PPP4R3A: variants seen among roughly 807,000 people sequenced by gnomAD.
PPP4R3A encodes serine/threonine-protein phosphatase 4 regulatory subunit 3A.
In PPP4R3A, 15 loss-of-function variants were observed where a neutral mutation model predicts 91.7. That is an observed-to-expected ratio of 0.16 (90% CI 0.11 to 0.25). PPP4R3A has a LOEUF of 0.25. PPP4R3A is among the 10% of genes least tolerant of loss of function. The pLI is 1.00. For missense variants in PPP4R3A, 623 were observed against 998.4 expected (o/e 0.62, Z 5.07); for synonymous variants, 377 against 348.7 (o/e 1.08, Z -0.91).
At chr14:91,473,441 A>C in intron 7 of PPP4R3A, 71 bp from the exon 8 acceptor site, 2 of 1,487,920 alleles carry the variant, frequency 1.3e-6, no homozygotes, top group Non-Finnish European at 1.8e-6. Context: ...ACTAAGACAC[A>C]TACCACAGCA....
chr14:91,479,537 T>TAA (rs750797153), intron 4 of PPP4R3A, among the ~76,000 whole-genome samples: 13 of 142,100 alleles, frequency 9.1e-5, no homozygotes, highest in African/African-American at 3.4e-4. Context: ...CTGGCTAATT[T>TAA]AAAAAAAAAA....
chr14:91,483,433 T>C (rs978747846), intron 3 of PPP4R3A, among the ~76,000 whole-genome samples: 1 of 152,238 alleles, frequency 6.6e-6, no homozygotes, highest in Non-Finnish European at 1.5e-5. Context: ...TCATGGCTTG[T>C]ACCTGCATGG....
intron 1 of PPP4R3A, among the ~76,000 whole-genome samples, chr14:91,501,871 A>ATTTTTTTTTTTTTTTTTTT (rs755484959): frequency 2.0e-5 from 2 of 100,238 alleles, no homozygotes; most frequent in Non-Finnish European, 3.8e-5. Context: ...AGCCCGGCTA[A>ATTTTTTTTTTTTTTTTTTT]TTTTTTTTTT....
chr14:91,471,027 T>G, intron 9 of PPP4R3A, 32 bp from the exon 10 acceptor site: 1 of 1,547,114 alleles, frequency 6.5e-7, no homozygotes, highest in Non-Finnish European at 8.7e-7. Flanking sequence ...TAATTATATT[T>G]AATGACTAAC....
intron 1 of PPP4R3A, among the ~76,000 whole-genome samples, chr14:91,497,080 G>A (rs1365130615): frequency 1.3e-5 from 2 of 152,112 alleles, no homozygotes; most frequent in Non-Finnish European, 2.9e-5. Flanking sequence ...CTTTAGGAGA[G>A]GAATTTATTA....
chr14:91,507,593 CA>C (rs1566661014), intron 1 of PPP4R3A, among the ~76,000 whole-genome samples: 9 of 51,168 alleles, frequency 1.8e-4, no homozygotes, highest in African/African-American at 6.0e-4. Context: ...GTTATATATA[CA>C]TGTTATACAT....
intron 1 of PPP4R3A, among the ~76,000 whole-genome samples, chr14:91,498,237 A>C (rs1445746557): frequency 6.6e-6 from 1 of 152,066 alleles, no homozygotes; most frequent in African/African-American, 2.4e-5. Flanking sequence ...AGGGAGGCTG[A>C]AGCAGGAGAA....
At chr14:91,501,314 C>G (rs1051761643) in intron 1 of PPP4R3A, among the ~76,000 whole-genome samples, 1 of 152,204 alleles carries the variant, frequency 6.6e-6, no homozygotes, top group Non-Finnish European at 1.5e-5. Flanking sequence ...AGAAGAGCTA[C>G]ACCCTTGTCA....
chr14:91,486,354 T>G lies in PPP4R3A; in HGVS notation c.199-624A>C, dbSNP rs549024093. On this transcript the variant is annotated intron_variant, in intron 2 of 14. Coordinates refer to ENST00000554943, the MANE Select transcript of PPP4R3A (RefSeq NM_001366432.2). ...TTCAGAACTTCTTAGTTTCATTTTT[T>G]GTAGAGATGGAGGTCTTGTCATGTT... Among the ~76,000 whole-genome samples, 41 of 152,248 alleles carry G rather than the reference T, an allele frequency of 2.7e-4. No individual in the cohort carries two copies. The South Asian group carries it at 5.6e-3, about 21-fold the overall frequency.
chr14:91,496,625 T>C (rs913271716), intron 1 of PPP4R3A, among the ~76,000 whole-genome samples: 1 of 152,206 alleles, frequency 6.6e-6, no homozygotes, highest in African/African-American at 2.4e-5. Flanking sequence ...AAGCTTCTAG[T>C]GTTGGGAAAT....
At chr14:91,490,929 G>C (rs953598510) in intron 1 of PPP4R3A, 127 bp from the exon 2 acceptor site, 46 of 367,444 alleles carry the variant, frequency 1.3e-4, no homozygotes, top group African/African-American at 9.9e-4. Context: ...TAATGAGACA[G>C]GGCTTCTCTC....
intron 10 of PPP4R3A, among the ~76,000 whole-genome samples, chr14:91,467,487 T>C (rs1457390316): frequency 6.6e-6 from 1 of 152,260 alleles, no homozygotes; most frequent in Non-Finnish European, 1.5e-5. Context: ...GTGAATTTCA[T>C]GTAATAAATT....
intron 4 of PPP4R3A, 124 bp from the exon 5 acceptor site, chr14:91,477,110 C>CTT (rs66932962): frequency 0.015 from 6,640 of 428,402 alleles, 3 homozygotes; most frequent in East Asian, 0.02. Flanking sequence ...GCAATGCTGT[C>CTT]TTTTTTTTTT....
At chr14:91,464,818 A>C (rs1888379676) in intron 11 of PPP4R3A, among the ~76,000 whole-genome samples, 3 of 152,194 alleles carry the variant, frequency 2.0e-5, no homozygotes, top group African/African-American at 7.2e-5. Context: ...GGTTTCATGA[A>C]AGACAATTTT....
At chr14:91,475,629 A>T (rs533024928) in intron 7 of PPP4R3A, 182 bp downstream of exon 7, 3 of 507,786 alleles carry the variant, frequency 5.9e-6, no homozygotes, top group Non-Finnish European at 6.8e-6. Flanking sequence ...AATGAACATA[A>T]ATAGTTGCTG....
At chr14:91,470,328 T>C (rs1888759615) in intron 10 of PPP4R3A, among the ~76,000 whole-genome samples, 2 of 152,250 alleles carry the variant, frequency 1.3e-5, no homozygotes, top group African/African-American at 2.4e-5. Flanking sequence ...GAAAAACTTA[T>C]GTCTAAGAAC....
intron 12 of PPP4R3A, 60 bp downstream of exon 12, chr14:91,462,672 CAAT>C: frequency 1.3e-6 from 2 of 1,570,898 alleles, no homozygotes; most frequent in East Asian, 2.2e-5. Flanking sequence ...ATCAAATAAA[CAAT>C]AAAGCCACTA....
intron 14 of PPP4R3A, among the ~76,000 whole-genome samples, 160 bp from the exon 15 acceptor site, chr14:91,459,029 A>G (rs1475865160): frequency 6.6e-6 from 1 of 152,170 alleles, no homozygotes; most frequent in African/African-American, 2.4e-5. Flanking sequence ...ATGTTTACAT[A>G]TTTTCTAAAT....
intron 11 of PPP4R3A, among the ~76,000 whole-genome samples, chr14:91,465,043 A>T (rs1172248786): frequency 6.6e-6 from 1 of 152,176 alleles, no homozygotes; most frequent in Non-Finnish European, 1.5e-5. Flanking sequence ...TCCGCGGCCA[A>T]GGGGTTGAGG....
Sources: allele counts gnomAD v4.1 joint callset (sites outside exome capture counted in the v4.1 genomes callset), GRCh38; gene constraint gnomAD v4.1.1; transcripts MANE v1.5; gene names NCBI Gene and HGNC (gene_info 2026-07-23, HGNC 2026-07-21).